The following RARB variants were observed in gnomAD, a reference collection of about 807,000 sequenced individuals.
RARB encodes the protein retinoic acid receptor beta.
A neutral mutation model predicts 51.9 loss-of-function variants in RARB; 17 were observed. The ratio of observed to expected loss-of-function variants is 0.33; its 90% CI spans 0.22 to 0.49. RARB has a LOEUF of 0.49. Ranked by LOEUF, RARB falls within the 20% of genes least tolerant of loss-of-function variation. RARB has a pLI of 0.99. For synonymous variants in RARB, 215 were observed against 195.4 expected (o/e 1.10, Z -0.84); for missense variants, 369 against 550.8 (o/e 0.67, Z 3.30).
chr3:24,931,221 A>G (rs778699632), intron 2 of RARB, among the ~76,000 whole-genome samples: 46 of 152,168 alleles, frequency 3.0e-4, no homozygotes, highest in Middle Eastern at 3.4e-3. Context: ...GTCTCCATGC[A>G]TGTATTTTTT....
intron 5 of RARB, among the ~76,000 whole-genome samples, chr3:25,416,747 A>T (rs752456842): frequency 6.6e-6 from 1 of 152,118 alleles, no homozygotes; most frequent in African/African-American, 2.4e-5. Context: ...GAGTCTGCCA[A>T]CCCCTGGACT....
At chr3:25,577,136 CGTG>C (rs1199749687) in intron 4 of RARB, among the ~76,000 whole-genome samples, 1 of 152,084 alleles carries the variant, frequency 6.6e-6, no homozygotes, top group Non-Finnish European at 1.5e-5. Flanking sequence ...GAGGGGGTGA[CGTG>C]GTGCACTGGT....
chr3:25,367,203 G>T (rs1274574997), intron 5 of RARB, among the ~76,000 whole-genome samples: 1 of 152,160 alleles, frequency 6.6e-6, no homozygotes, highest in Non-Finnish European at 1.5e-5. Context: ...GAAAGATTGG[G>T]TTTTCAATGT....
chr3:25,289,102 T>G (rs322679), intron 5 of RARB, among the ~76,000 whole-genome samples: 27,503 of 152,240 alleles, frequency 0.18, 2,961 homozygotes, highest in South Asian at 0.25. Context: ...TTCAGCTGTT[T>G]CACGTAGTGG....
chr3:25,252,803 C>A (rs557655134), intron 5 of RARB, among the ~76,000 whole-genome samples: 16 of 152,140 alleles, frequency 1.1e-4, no homozygotes, highest in Admixed American at 2.6e-4. Flanking sequence ...TCCAGGAGAA[C>A]AGTAGCATCC....
At chr3:24,850,085 C>T (rs886446001) in intron 1 of RARB, among the ~76,000 whole-genome samples, 3 of 152,160 alleles carry the variant, frequency 2.0e-5, no homozygotes, top group African/African-American at 7.2e-5. Flanking sequence ...TGGAAGAAGG[C>T]TGAAGGGCAA....
At chr3:25,426,044 G>A (rs1237158636), upstream of RARB, among the ~76,000 whole-genome samples, 12 of 152,022 alleles carry the variant, frequency 7.9e-5, no homozygotes, top group Admixed American at 1.3e-4. Context: ...TCCACTGTCC[G>A]GTAAAAATGA....
intron 5 of RARB, among the ~76,000 whole-genome samples, chr3:25,344,329 C>G (rs190923166): frequency 1.3e-5 from 2 of 152,214 alleles, no homozygotes; most frequent in East Asian, 3.9e-4. Flanking sequence ...CCCTGAGAAT[C>G]TTAGGCAAGT....
At position 25,428,893 on chromosome 3, in the gene RARB, GTTTA is replaced by G; in HGVS notation, c.157+9_157+12del. ...AGCATCGGCACACTGCTCAATGTAG[GTTTA>G]TTTTTTTCCCTTCTTCTACCAAGAA... is the stretch of plus-strand genomic sequence containing the variant. On this transcript the variant is annotated splice_donor_region_variant and intron_variant, in intron 1 of 7. Coordinates refer to ENST00000330688, the MANE Select transcript of RARB (RefSeq NM_000965.5). The G allele has an allele frequency of 6.3e-7, 1 of 1,585,862 alleles. No homozygotes were observed. Among genetic ancestry groups the G allele is most frequent in the Non-Finnish European group, 8.6e-7 (1 of 1,161,676 alleles).
At chr3:24,974,767 C>T (rs1419441736) in intron 2 of RARB, among the ~76,000 whole-genome samples, 1 of 152,068 alleles carries the variant, frequency 6.6e-6, no homozygotes, top group Non-Finnish European at 1.5e-5. Context: ...TCTTTCTTAG[C>T]CACTGAAATA....
chr3:25,049,433 C>G (rs542448822), intron 2 of RARB, among the ~76,000 whole-genome samples: 1 of 152,260 alleles, frequency 6.6e-6, no homozygotes, highest in South Asian at 2.1e-4. Flanking sequence ...TTTTGCCTGG[C>G]AAATTATCCT....
At chr3:25,262,001 A>G (rs1272142297) in intron 5 of RARB, among the ~76,000 whole-genome samples, 6 of 152,180 alleles carry the variant, frequency 3.9e-5, no homozygotes, top group Non-Finnish European at 5.9e-5. Flanking sequence ...TTTTCAAAAC[A>G]TAAACCTGAC....
At chr3:25,586,703 C>T (rs535263665) in intron 5 of RARB, among the ~76,000 whole-genome samples, 43 of 152,282 alleles carry the variant, frequency 2.8e-4, no homozygotes, top group African/African-American at 7.0e-4. Flanking sequence ...GGCTCCTTGA[C>T]GCCCTGGAGA....
At chr3:24,851,493 G>C (rs1391447040) in intron 1 of RARB, among the ~76,000 whole-genome samples, 1 of 151,718 alleles carries the variant, frequency 6.6e-6, no homozygotes, top group African/African-American at 2.4e-5. Context: ...CAGCTGATGC[G>C]GTTCCGTCCA....
chr3:25,313,209 T>C (rs1001973448), intron 5 of RARB, among the ~76,000 whole-genome samples: 7 of 152,220 alleles, frequency 4.6e-5, no homozygotes, highest in Non-Finnish European at 7.3e-5. Flanking sequence ...AAGACCCGCT[T>C]GTTTTTTCTC....
chr3:24,908,712 C>A (rs1694926539), intron 2 of RARB, among the ~76,000 whole-genome samples: 1 of 120,436 alleles, frequency 8.3e-6, no homozygotes, highest in Admixed American at 1.0e-4. Flanking sequence ...TAATTCACAT[C>A]ATACAGAAGG....
At chr3:24,880,467 A>G (rs1405195564) in intron 2 of RARB, among the ~76,000 whole-genome samples, 3 of 152,308 alleles carry the variant, frequency 2.0e-5, no homozygotes, top group African/African-American at 7.2e-5. Flanking sequence ...AGAAATATTC[A>G]AGTAGTTATG....
chr3:24,917,430 TAAAC>T (rs1244399442), intron 2 of RARB, among the ~76,000 whole-genome samples: 4 of 152,188 alleles, frequency 2.6e-5, no homozygotes, highest in African/African-American at 9.7e-5. Flanking sequence ...ATATCCAGAA[TAAAC>T]AAAGCACAAC....
intron 2 of RARB, among the ~76,000 whole-genome samples, chr3:24,888,224 T>G (rs1403631931): frequency 1.3e-5 from 2 of 152,148 alleles, no homozygotes; most frequent in Admixed American, 1.3e-4. Context: ...GCATAATAAC[T>G]ATAACACAAA....
Sources: gnomAD v4.1 joint callset for allele counts (sites outside exome capture counted in the v4.1 genomes callset) on GRCh38, gnomAD v4.1.1 for gene constraint, MANE v1.5 for transcripts, NCBI Gene and HGNC (gene_info 2026-07-23, HGNC 2026-07-21) for gene names.